COL4A5: variants seen among roughly 807,000 people sequenced by gnomAD.
COL4A5 encodes collagen alpha-5(IV) chain.
COL4A5 carries 26 observed loss-of-function variants against 130.2 expected under a neutral mutation model. The observed-to-expected ratio is 0.20, with a 90% CI of 0.15 to 0.28. COL4A5 has a LOEUF of 0.28. Ranked by LOEUF, COL4A5 falls within the 10% of genes least tolerant of loss-of-function variation. The pLI, the probability that COL4A5 is intolerant of heterozygous loss-of-function variation, is 1.00. For missense variants in COL4A5, 1,131 were observed against 1,344.3 expected (o/e 0.84, Z 2.48); for synonymous variants, 496 against 439.6 (o/e 1.13, Z -1.60).
At chrX:108,472,018 A>T (rs996341985) in intron 1 of COL4A5, among the ~76,000 whole-genome samples, 32 of 111,190 alleles carry the variant, frequency 2.9e-4, no homozygotes, top group African/African-American at 1.0e-3. Context: ...ACATCCCATA[A>T]TTTTTAGTAT....
intron 49 of COL4A5, chrX:108,689,695 A>G: frequency 1.3e-5 from 10 of 754,190 alleles, no homozygotes; most frequent in Non-Finnish European, 1.6e-5. Context: ...AGAAACAATT[A>G]CCTCCTGATC....
intron 36 of COL4A5, among the ~76,000 whole-genome samples, chrX:108,654,265 T>C (rs769548024): frequency 8.9e-6 from 1 of 112,688 alleles, no homozygotes; most frequent in African/African-American, 3.2e-5. Context: ...AATGCAAATA[T>C]TCATTGAGCA....
chrX:108,631,009 T>G (rs1425681114), intron 36 of COL4A5, among the ~76,000 whole-genome samples: 1 of 111,950 alleles, frequency 8.9e-6, no homozygotes, highest in East Asian at 2.8e-4. Context: ...GTTCCATTGG[T>G]CTACATCTCT....
chrX:108,483,219 GTGTA>G (rs1296649222), intron 1 of COL4A5, among the ~76,000 whole-genome samples: 1 of 98,066 alleles, frequency 1.0e-5, no homozygotes, highest in African/African-American at 3.6e-5. Context: ...GTGTGTGTGT[GTGTA>G]TGTGTGTGTG....
chrX:108,692,888 C>T lies in COL4A5; in HGVS notation c.4669C>T (p.Pro1557Ser), dbSNP rs374110563. 1.7e-5 allele frequency: 21 copies of T among 1,209,743 alleles called. No homozygotes were observed. Among genetic ancestry groups the T allele is most frequent in the Admixed American group, 6.6e-5 (3 of 45,679 alleles). Residue 1557 changes from proline (P) to serine (S), a missense_variant, in exon 50 of 53, where the codon CCC becomes TCC. By Grantham distance (74) the Pro-to-Ser change is moderately conservative. Coordinates refer to ENST00000328300, the MANE Select transcript of COL4A5 (RefSeq NM_033380.3). ...AGAGCCCATGCCAATGAGCATGCAA[C>T]CCCTAAAGGGCCAGAGCATCCAGCC... ...TPEPMPMSMQ[P>S]LKGQSIQPFI...
At position 108,620,990 on chromosome X, in the gene COL4A5, T is replaced by A. The variant is rs2067030161; in HGVS notation, c.2677+564T>A. ...AACTACAGGTAGAAGCGGCAAGATT[T>A]CTTTTCTTTCGCTCTCTCTCTCCCT... is the stretch of plus-strand genomic sequence containing the variant. On this transcript the variant is annotated intron_variant, in intron 31 of 52. Transcript: ENST00000328300. Among the ~76,000 whole-genome samples, 4 of 111,287 alleles carry A rather than the reference T, an allele frequency of 3.6e-5. No individual in the cohort carries two copies. The South Asian group carries it at 1.5e-3, about 42-fold the overall frequency.
At chrX:108,517,020 A>G (rs1482449853) in intron 1 of COL4A5, among the ~76,000 whole-genome samples, 2 of 111,747 alleles carry the variant, frequency 1.8e-5, no homozygotes, top group East Asian at 5.6e-4. Flanking sequence ...CCAGATAAGT[A>G]TATGTCATAT....
At chrX:108,483,157 A>T (rs1402454704) in intron 1 of COL4A5, among the ~76,000 whole-genome samples, 2 of 110,526 alleles carry the variant, frequency 1.8e-5, no homozygotes, top group African/African-American at 6.6e-5. Context: ...TCGTACCAGA[A>T]TCTGTATTAG....
At chrX:108,590,019 C>G (rs768151907) in intron 19 of COL4A5, among the ~76,000 whole-genome samples, 2 of 111,420 alleles carry the variant, frequency 1.8e-5, no homozygotes, top group Admixed American at 9.5e-5. Context: ...ATGTGGCCAA[C>G]AAACATGAAA....
At chrX:108,589,246 A>G (rs922846353) in intron 19 of COL4A5, among the ~76,000 whole-genome samples, 1 of 111,291 alleles carries the variant, frequency 9.0e-6, no homozygotes, top group African/African-American at 3.3e-5. Context: ...TACATGTTTA[A>G]GTACATAGGT....
intron 1 of COL4A5, among the ~76,000 whole-genome samples, chrX:108,484,472 A>G (rs1466225700): frequency 1.8e-5 from 2 of 112,201 alleles, no homozygotes; most frequent in Non-Finnish European, 3.8e-5. Context: ...AGGTATTCAA[A>G]AGCACCTGGC....
intron 1 of COL4A5, among the ~76,000 whole-genome samples, chrX:108,445,375 C>T (rs1433072125): frequency 1.8e-5 from 2 of 111,978 alleles, no homozygotes; most frequent in Non-Finnish European, 1.9e-5. Context: ...TACATTTATT[C>T]AGCAGATATT....
intron 3 of COL4A5, among the ~76,000 whole-genome samples, chrX:108,562,975 ACT>A (rs1164423226): frequency 3.6e-5 from 4 of 111,253 alleles, no homozygotes; most frequent in African/African-American, 6.5e-5. Context: ...CATTAAACAC[ACT>A]GTTTGACCTT....
chrX:108,676,383 G>A (rs1257641988), intron 43 of COL4A5, among the ~76,000 whole-genome samples: 1 of 111,541 alleles, frequency 9.0e-6, no homozygotes, highest in Non-Finnish European at 1.9e-5. Flanking sequence ...TGAACACTCT[G>A]CAAGCAAGTA....
intron 4 of COL4A5, among the ~76,000 whole-genome samples, chrX:108,565,461 A>G (rs1275252693): frequency 8.9e-6 from 1 of 111,966 alleles, no homozygotes; most frequent in Non-Finnish European, 1.9e-5. Flanking sequence ...TACCAATGAA[A>G]ACTTCAGCAT....
chrX:108,514,859 A>G (rs1454368853), intron 1 of COL4A5, among the ~76,000 whole-genome samples: 2 of 111,522 alleles, frequency 1.8e-5, no homozygotes, highest in South Asian at 3.8e-4. Flanking sequence ...CAGTTTGGAC[A>G]TTTATAAATT....
At chrX:108,582,475 AG>A (rs750577265) in intron 16 of COL4A5, 1 of 133,249 alleles carries the variant, frequency 7.5e-6, no homozygotes, top group Admixed American at 8.2e-5. Context: ...GGGGCTTTGA[AG>A]GAGCTCCAAC....
At chrX:108,665,375 A>ACACCAG in intron 37 of COL4A5, 132 bp from the exon 38 acceptor site, 2 of 475,497 alleles carry the variant, frequency 4.2e-6, no homozygotes, top group Admixed American at 7.7e-5. Flanking sequence ...TAGCCAACAA[A>ACACCAG]CACCAGCATC....
At chrX:108,453,776 C>G (rs963867610) in intron 1 of COL4A5, among the ~76,000 whole-genome samples, 9 of 111,616 alleles carry the variant, frequency 8.1e-5, no homozygotes, top group Non-Finnish European at 1.5e-4. Context: ...TATTCTCGTC[C>G]TCTCTCCAGT....
Sources: gnomAD v4.1 joint callset for allele counts (sites outside exome capture counted in the v4.1 genomes callset) on GRCh38, gnomAD v4.1.1 for gene constraint, MANE v1.5 for transcripts, NCBI Gene and HGNC (gene_info 2026-07-23, HGNC 2026-07-21) for gene names.